The following MEFV variants were observed in gnomAD, a reference collection of about 807,000 sequenced individuals.
The protein encoded by MEFV is MEFV innate immunity regulator, pyrin.
MEFV carries 60 observed loss-of-function variants against 62.5 expected under a neutral mutation model. The ratio of observed to expected loss-of-function variants is 0.96; its 90% confidence interval spans 0.78 to 1.19. MEFV has a LOEUF of 1.19. Among genes scored for constraint, MEFV ranks in the 50% most tolerant of loss-of-function variants. The pLI is 0.00. For synonymous variants in MEFV, 500 were observed against 415.2 expected (o/e 1.20, Z -2.48); for missense variants, 1,169 against 1,004.5 (o/e 1.16, Z -2.21).
intron 6 of MEFV, among the ~76,000 whole-genome samples, chr16:3,246,018 G>C (rs140264847): frequency 2.6e-5 from 4 of 152,358 alleles, no homozygotes; most frequent in African/African-American, 9.6e-5. Context: ...TTACAACACG[G>C]ATGAAGCCCG....
intron 1 of MEFV, among the ~76,000 whole-genome samples, chr16:3,255,286 C>T (rs547360490): frequency 4.5e-4 from 69 of 152,290 alleles, no homozygotes; most frequent in South Asian, 1.9e-3. Context: ...CACTGCACTC[C>T]AGCCTGAGTG....
intron 2 of MEFV, among the ~76,000 whole-genome samples, chr16:3,253,387 A>G (rs529940950): frequency 9.9e-5 from 15 of 152,226 alleles, no homozygotes; most frequent in Admixed American, 2.6e-4. Flanking sequence ...CCTGGACTCT[A>G]AAATCGCCCT....
intron 6 of MEFV, among the ~76,000 whole-genome samples, chr16:3,246,041 T>TA (rs1032696510): frequency 6.6e-6 from 1 of 152,216 alleles, no homozygotes; most frequent in African/African-American, 2.4e-5. Context: ...GACATTATGC[T>TA]AAGTGAAGAA....
rs1290693513 is a variant in MEFV at position 3,252,925 on chromosome 16, G to C, written c.910+1233C>G. Among the ~76,000 whole-genome samples, 5 of 139,324 alleles carry C rather than the reference G, an allele frequency of 3.6e-5. No homozygotes were observed. In the Admixed American group the frequency reaches 3.9e-4, roughly 11 times the overall value. The allele number at this position is 139,324 out of a possible 152,430, so 91.4% of individuals were successfully genotyped here. On this transcript the variant is annotated intron_variant, in intron 2 of 9. Transcript: ENST00000219596. ...TGCTCACACTACTGCACTCCAGCAT[G>C]GGAGACAGACTGAGACTCTGTCTCA... is the stretch of plus-strand genomic sequence containing the variant.
intron 9 of MEFV, 73 bp downstream of exon 9, chr16:3,243,784 GTTC>G: frequency 6.2e-7 from 1 of 1,608,524 alleles, no homozygotes; most frequent in Non-Finnish European, 8.5e-7. Context: ...GGACAGGGTA[GTTC>G]TTCTGGAACG....
chr16:3,254,647 T>C lies in MEFV; in HGVS notation c.421A>G (p.Ser141Gly), dbSNP rs1191942097. The C allele has an allele frequency of 1.2e-6, 2 of 1,608,424 alleles. No individual in the cohort carries two copies. The highest frequency in any genetic ancestry group is 1.7e-6 in the Non-Finnish European group (2 of 1,178,350). ...GCCTCGGGCTGGCTGCACCGCAGGC[T>C]GGCAGCTCCGCCCCCGTACGGCCGA... ...GPRPYGGGAASLRCSQPEAGR... is the reference protein window; with the variant it reads ...GPRPYGGGAAGLRCSQPEAGR... Residue 141 changes from serine (S) to glycine (G), a missense_variant, in exon 2 of 10, where the codon AGC becomes GGC. Ser to Gly is a moderately conservative substitution (Grantham distance 56). Transcript: ENST00000219596.
chr16:3,255,732 T>C (rs224226), intron 1 of MEFV, among the ~76,000 whole-genome samples: 79,749 of 151,900 alleles, frequency 0.53, 22,364 homozygotes, highest in African/African-American at 0.69. Context: ...AATAGTACTT[T>C]TCAAACGTTT....
At chr16:3,244,839 G>T (rs1416239647) in intron 6 of MEFV, among the ~76,000 whole-genome samples, 1 of 152,118 alleles carries the variant, frequency 6.6e-6, no homozygotes, top group Non-Finnish European at 1.5e-5. Flanking sequence ...GACTTAAAAT[G>T]ACATTGATAT....
At chr16:3,255,712 A>G (rs898547352) in intron 1 of MEFV, among the ~76,000 whole-genome samples, 5 of 152,134 alleles carry the variant, frequency 3.3e-5, no homozygotes, top group African/African-American at 7.2e-5. Context: ...TGCCTAGCCT[A>G]TATTTCTCAA....
At position 3,244,245 on chromosome 16, in the gene MEFV, T is replaced by C. The variant is rs1380798134; in HGVS notation, c.1759+9A>G. ...CCAGGCCAGCACACACCATTACCGC[T>C]GGACTCACCATTGAACATTTCCATT... On this transcript the variant is annotated intron_variant, in intron 8 of 9. Coordinates refer to ENST00000219596, the MANE Select transcript of MEFV (RefSeq NM_000243.3). 6 of 1,613,890 alleles carry C rather than the reference T, an allele frequency of 3.7e-6. No individual in the cohort carries two copies. The African/African-American group carries it at 8.0e-5, about 22-fold the overall frequency.
rs1959092427 is a variant in MEFV at position 3,254,775 on chromosome 16, T to A, written c.293A>T (p.Glu98Val). The part of the protein sequence containing the change: ...RAAIQEYSTQ[E>V]NGTDDSAASS... Reference sequence around the variant, plus strand: ...CGCTGCGGAATCATCTGTGCCGTTTTCTTGTGTGGAATATTCTGGAAGGAC... The same window carrying A: ...CGCTGCGGAATCATCTGTGCCGTTTACTTGTGTGGAATATTCTGGAAGGAC... Residue 98 changes from glutamate (E) to valine (V), a missense_variant, in exon 2 of 10, where the codon GAA becomes GTA. Coordinates refer to ENST00000219596, the MANE Select transcript of MEFV (RefSeq NM_000243.3). The A allele has an allele frequency of 1.9e-6, 3 of 1,612,206 alleles. No homozygotes were observed. Among genetic ancestry groups the A allele is most frequent in the Non-Finnish European group, 2.5e-6 (3 of 1,180,004 alleles).
rs772453784 is a variant in MEFV at position 3,243,912 on chromosome 16, AG to A, written c.1760-21del. 7 of 1,613,756 alleles carry A rather than the reference AG, an allele frequency of 4.3e-6. 1 individual carries two copies. The East Asian group carries it at 1.1e-4, about 26-fold the overall frequency. Reference sequence around the variant, plus strand: ...CCGGAACTACGGAGAAAAATCAGATAGGGAAAAAAATCCTGAGCATTAGCAT... The same window carrying A: ...CCGGAACTACGGAGAAAAATCAGATAGGAAAAAAATCCTGAGCATTAGCAT... On this transcript the variant is annotated intron_variant, in intron 8 of 9. Transcript: ENST00000219596.
chr16:3,243,495 T>G lies in MEFV; in HGVS notation c.1992A>C (p.Ala664=). 4 of 1,614,074 alleles carry G rather than the reference T, an allele frequency of 2.5e-6. No homozygotes were observed. The highest frequency in any genetic ancestry group is 3.4e-6 in the Non-Finnish European group (4 of 1,180,028). Residue 664 remains alanine (A), a synonymous_variant, in exon 10 of 10, where the codon GCA becomes GCC. Coordinates refer to ENST00000219596, the MANE Select transcript of MEFV (RefSeq NM_000243.3). ...YWEVEVGDKT[A]WILGACKTSI... ...ATGTCTTGCAGGCTCCCAGGATCCATGCTGTCTTGTCTCCAACCTCCACCT... is the reference window on the plus strand; with the variant it reads ...ATGTCTTGCAGGCTCCCAGGATCCAGGCTGTCTTGTCTCCAACCTCCACCT...
Position 3,249,531 on chromosome 16 carries a change from C to T in MEFV, c.1160G>A (p.Cys387Tyr). 1 of 1,614,212 alleles carries T rather than the reference C, an allele frequency of 6.2e-7. No individual in the cohort carries two copies. The highest frequency in any genetic ancestry group is 8.5e-7 in the Non-Finnish European group (1 of 1,180,032). ...RHLKQVQLLF[C>Y]EDHDEPICLI... ...GCAGATGGGCTCATCGTGATCCTCA[C>T]AGAAGAGCAGCTGGACCTGCTTCAG... Residue 387 changes from cysteine (C) to tyrosine (Y), a missense_variant, in exon 3 of 10, where the codon TGT (cysteine) becomes TAT (tyrosine). Cys to Tyr is a radical substitution (Grantham distance 194). Coordinates refer to ENST00000219596, the MANE Select transcript of MEFV (RefSeq NM_000243.3).
chr16:3,243,760 C>G, intron 9 of MEFV, 66 bp from the exon 10 acceptor site: 1 of 1,610,488 alleles, frequency 6.2e-7, no homozygotes, highest in African/African-American at 1.3e-5. Flanking sequence ...GTTCTCCCCA[C>G]CTGCAGGAAA....
chr16:3,245,002 A>G (rs1958918134), intron 6 of MEFV, among the ~76,000 whole-genome samples: 1 of 152,216 alleles, frequency 6.6e-6, no homozygotes, highest in Non-Finnish European at 1.5e-5. Context: ...ACAGAAAAAA[A>G]TAGACCAGGT....
chr16:3,249,591 A>C lies in MEFV; in HGVS notation c.1100T>G (p.Leu367Arg). 6.2e-7 allele frequency: 1 copy of C among 1,614,170 alleles called. No homozygotes were observed. Among genetic ancestry groups the C allele is most frequent in the Non-Finnish European group, 8.5e-7 (1 of 1,180,012 alleles). ...DSHERKSPGS[L>R]SPQPLPQCKR... The stretch of plus-strand genomic sequence containing the variant: ...ACACTGTGGCAGGGGCTGGGGGCTT[A>C]GGCTTCCCGGGCTCTTCCTTTCATG... Residue 367 changes from leucine to arginine, a missense_variant, in exon 3 of 10, where the codon CTA (leucine) becomes CGA (arginine). Leu to Arg is a moderately radical substitution (Grantham distance 102). Coordinates refer to ENST00000219596, the MANE Select transcript of MEFV (RefSeq NM_000243.3).
rs1245305931 is a variant in MEFV at position 3,243,293 on chromosome 16, A to C, written c.2194T>G (p.Tyr732Asp). The change falls in exon 10 of 10, where the codon TAC becomes GAC. Residue 732 changes from tyrosine (Y) to aspartate (D), a missense_variant. By Grantham distance (160) the Tyr-to-Asp change is radical. Coordinates refer to ENST00000219596, the MANE Select transcript of MEFV (RefSeq NM_000243.3). ...VDYRVGSISF[Y>D]NVTARSHIYT... ...ATGTGGGATCTGGCTGTCACATTGT[A>C]AAAGGAGATGCTTCCAACTCTGTAG... 6.2e-7 allele frequency: 1 copy of C among 1,614,066 alleles called. No homozygotes were observed. Among genetic ancestry groups the C allele is most frequent in the Non-Finnish European group, 8.5e-7 (1 of 1,180,050 alleles).
intron 6 of MEFV, 50 bp from the exon 7 acceptor site, chr16:3,244,638 C>G: frequency 7.2e-7 from 1 of 1,390,758 alleles, no homozygotes; most frequent in Non-Finnish European, 1.0e-6. Flanking sequence ...AGGGGGTGGC[C>G]CAAGTACCCG....
Sources: allele counts gnomAD v4.1 joint callset (sites outside exome capture counted in the v4.1 genomes callset), GRCh38; gene constraint gnomAD v4.1.1; transcripts MANE v1.5; gene names NCBI Gene and HGNC (gene_info 2026-07-23, HGNC 2026-07-21).